Variants in STIM1 observed in about 807,000 individuals in gnomAD.
STIM1 encodes stromal interaction molecule 1.
Under a neutral mutation model 74.7 loss-of-function variants are expected in STIM1, and 25 were observed. The observed-to-expected ratio is 0.33, with a 90% CI of 0.24 to 0.47. The LOEUF (loss-of-function observed/expected upper bound fraction) is 0.47, where lower values mean the gene tolerates loss of function less well. STIM1 is among the 20% of genes least tolerant of loss of function. STIM1 has a pLI of 1.00. For synonymous variants in STIM1, 328 were observed against 348.8 expected (o/e 0.94, Z 0.66); for missense variants, 728 against 920.8 (o/e 0.79, Z 2.71).
At chr11:3,879,070 C>G (rs909217482) in intron 1 of STIM1, among the ~76,000 whole-genome samples, 2 of 152,274 alleles carry the variant, frequency 1.3e-5, no homozygotes, top group Admixed American at 1.3e-4. Flanking sequence ...ATTCTCCTGC[C>G]TCAGCCTCCC....
At chr11:3,907,976 AGC>A in intron 1 of STIM1, among the ~76,000 whole-genome samples, 1 of 152,334 alleles carries the variant, frequency 6.6e-6, no homozygotes, top group African/African-American at 2.4e-5. Flanking sequence ...ATTTAAAAAT[AGC>A]AATCCCTCCC....
chr11:3,900,253 A>G (rs1480076963), intron 1 of STIM1, among the ~76,000 whole-genome samples: 1 of 152,076 alleles, frequency 6.6e-6, no homozygotes, highest in Admixed American at 6.6e-5. Context: ...GCGGGATACA[A>G]TCTCCTGGTG....
chr11:3,903,749 G>C (rs2092404535), intron 1 of STIM1: 2 of 152,248 alleles, frequency 1.3e-5, no homozygotes, highest in South Asian at 4.1e-4. Flanking sequence ...CTGATAGTCT[G>C]GTTGCTTATC....
At chr11:3,906,180 T>G (rs1476596266) in intron 1 of STIM1, among the ~76,000 whole-genome samples, 1 of 152,236 alleles carries the variant, frequency 6.6e-6, no homozygotes, top group Non-Finnish European at 1.5e-5. Flanking sequence ...TGCTGAGCTG[T>G]AGGATGCACT....
chr11:3,876,756 T>G (rs551083485), intron 1 of STIM1, among the ~76,000 whole-genome samples: 13 of 152,140 alleles, frequency 8.5e-5, no homozygotes, highest in Admixed American at 7.2e-4. Context: ...AATACTGATA[T>G]CTACCTACTA....
intron 6 of STIM1, among the ~76,000 whole-genome samples, chr11:4,073,388 C>G (rs1397197086): frequency 1.3e-5 from 2 of 152,176 alleles, no homozygotes; most frequent in Non-Finnish European, 2.9e-5. Flanking sequence ...GCTGATGACT[C>G]CATCTTTTGG....
At chr11:4,059,028 A>G (rs2094311639) in intron 4 of STIM1, 1 of 985,054 alleles carries the variant, frequency 1.0e-6, no homozygotes, top group Non-Finnish European at 1.4e-6. Context: ...GGTCACAGAC[A>G]GGTAATCCTT....
chr11:3,945,496 G>A (rs2093061646), intron 1 of STIM1, among the ~76,000 whole-genome samples: 1 of 152,154 alleles, frequency 6.6e-6, no homozygotes, highest in African/African-American at 2.4e-5. Flanking sequence ...CTACTCGGGA[G>A]GCTGAGGTAG....
intron 1 of STIM1, among the ~76,000 whole-genome samples, chr11:3,929,350 T>C (rs938371229): frequency 6.6e-6 from 1 of 152,180 alleles, no homozygotes; most frequent in Non-Finnish European, 1.5e-5. Flanking sequence ...GTCATTTGCT[T>C]GCATTTACGG....
At chr11:3,894,104 CA>C (rs1172461199) in intron 1 of STIM1, among the ~76,000 whole-genome samples, 4 of 152,214 alleles carry the variant, frequency 2.6e-5, no homozygotes, top group African/African-American at 9.6e-5. Flanking sequence ...AAGAGGGTTC[CA>C]TTGTTTAAAA....
intron 1 of STIM1, among the ~76,000 whole-genome samples, chr11:3,964,727 C>CTTTT (rs796758787): frequency 2.8e-5 from 4 of 142,100 alleles, no homozygotes. Context: ...TTCTTTAATT[C>CTTTT]TTTTTTTTTT....
intron 1 of STIM1, among the ~76,000 whole-genome samples, chr11:3,900,663 G>A (rs961705855): frequency 4.6e-5 from 7 of 152,128 alleles, no homozygotes; most frequent in African/African-American, 1.7e-4. Context: ...ACAGCTCACT[G>A]CAGCCTTCTG....
chr11:4,038,549 T>C (rs1282867567), intron 3 of STIM1, among the ~76,000 whole-genome samples: 1 of 152,232 alleles, frequency 6.6e-6, no homozygotes, highest in East Asian at 1.9e-4. Flanking sequence ...CCCTCATTTG[T>C]TTCCTATCTC....
intron 1 of STIM1, among the ~76,000 whole-genome samples, chr11:3,941,630 T>G (rs61209795): frequency 0.042 from 5,980 of 142,984 alleles, 214 homozygotes; most frequent in African/African-American, 0.08. Flanking sequence ...TATATATATA[T>G]AGAGAGATAG....
chr11:3,958,495 G>A lies in STIM1; in HGVS notation c.140-9057G>A, dbSNP rs184346814. Reference sequence around the variant, plus strand: ...GAGCTGGTCCTCTTCTTGGATATGAGGACGAGTGGTTCTAACAGACGCAGG... The same window carrying A: ...GAGCTGGTCCTCTTCTTGGATATGAAGACGAGTGGTTCTAACAGACGCAGG... On this transcript the variant is annotated intron_variant, in intron 1 of 12. Transcript: ENST00000526596. 2.0e-5 allele frequency among the ~76,000 whole-genome samples: 3 copies of A among 152,302 alleles called. No individual in the cohort carries two copies. The East Asian group carries it at 5.8e-4, about 29-fold the overall frequency.
chr11:4,077,806 C>A (rs2094445427), intron 7 of STIM1, among the ~76,000 whole-genome samples: 1 of 152,118 alleles, frequency 6.6e-6, no homozygotes, highest in Non-Finnish European at 1.5e-5. Flanking sequence ...TGGTGTTTAA[C>A]CCATCCAGTG....
intron 1 of STIM1, among the ~76,000 whole-genome samples, chr11:3,898,874 T>C (rs1367438910): frequency 1.3e-5 from 2 of 151,732 alleles, no homozygotes; most frequent in South Asian, 2.1e-4. Context: ...CATTGATCTA[T>C]ATCTCTGTTT....
At position 3,913,287 on chromosome 11, in the gene STIM1, A is replaced by G. The variant is rs541234222; in HGVS notation, c.140-54265A>G. ...ACTGCAGCCTTGATCCCTGGGACTC[A>G]AGTGATCCTCCTACCTCAGCCTCCT... On this transcript the variant is annotated intron_variant, in intron 1 of 12. Coordinates refer to ENST00000526596, the MANE Select transcript of STIM1 (RefSeq NM_001382567.1). Among the ~76,000 whole-genome samples, 8 of 151,950 alleles carry G rather than the reference A, an allele frequency of 5.3e-5. 1 individual carries two copies. The South Asian group carries it at 1.7e-3, about 32-fold the overall frequency.
At chr11:3,979,217 T>C (rs1004938691) in intron 2 of STIM1, among the ~76,000 whole-genome samples, 4 of 152,166 alleles carry the variant, frequency 2.6e-5, no homozygotes, top group Admixed American at 6.5e-5. Context: ...CCTTTTGTGC[T>C]CTGGGCCTCA....
Sources: allele counts gnomAD v4.1 joint callset (sites outside exome capture counted in the v4.1 genomes callset), GRCh38; gene constraint gnomAD v4.1.1; transcripts MANE v1.5; gene names NCBI Gene and HGNC (gene_info 2026-07-23, HGNC 2026-07-21).